The following LIN28B variants were observed in gnomAD, a reference collection of about 807,000 sequenced individuals.
LIN28B encodes the protein lin-28 RNA binding posttranscriptional regulator B.
A neutral mutation model predicts 21.9 loss-of-function variants in LIN28B; 5 were observed. The ratio of observed to expected loss-of-function variants is 0.23; its 90% CI spans 0.12 to 0.48. LIN28B has a LOEUF of 0.48. LIN28B is among the 20% of genes least tolerant of loss of function. LIN28B has a pLI of 0.98. For missense variants in LIN28B, 245 were observed against 310.5 expected, an observed-to-expected ratio of 0.79 and a Z score of 1.58; for synonymous variants, 109 against 111.3, an observed-to-expected ratio of 0.98 and a Z score of 0.13.
intron 3 of LIN28B, among the ~76,000 whole-genome samples, chr6:105,047,980 TTCC>T (rs1771806307): frequency 6.6e-6 from 1 of 152,218 alleles, no homozygotes; most frequent in South Asian, 2.1e-4. Flanking sequence ...ACAATTTGAC[TTCC>T]TCTTTTCCTA....
chr6:104,994,283 C>T (rs761544690), intron 2 of LIN28B, among the ~76,000 whole-genome samples: 5 of 152,220 alleles, frequency 3.3e-5, no homozygotes, highest in Non-Finnish European at 7.3e-5. Context: ...GGATTACAGG[C>T]GTGAGCCACC....
At chr6:104,994,307 A>G (rs776344866) in intron 2 of LIN28B, among the ~76,000 whole-genome samples, 1 of 152,208 alleles carries the variant, frequency 6.6e-6, no homozygotes. Context: ...CCTGACCGAT[A>G]AAAACATTTT....
At chr6:104,994,642 G>T (rs1010152182) in intron 2 of LIN28B, among the ~76,000 whole-genome samples, 5 of 151,458 alleles carry the variant, frequency 3.3e-5, no homozygotes, top group African/African-American at 4.8e-5. Context: ...TTATTAATTT[G>T]AGCCTTGTAA....
chr6:105,026,264 C>CT, intron 2 of LIN28B, 34 bp from the exon 3 acceptor site: 1 of 1,271,766 alleles, frequency 7.9e-7, no homozygotes, highest in South Asian at 1.7e-5. Context: ...TTTAATCTCT[C>CT]TTTTTCTCCC....
intron 3 of LIN28B, among the ~76,000 whole-genome samples, chr6:105,055,098 A>C (rs1195423837): frequency 6.6e-6 from 1 of 152,082 alleles, no homozygotes; most frequent in East Asian, 1.9e-4. Flanking sequence ...AAGTAGCTGA[A>C]TTATGATGCA....
At chr6:105,074,413 T>G (rs1038545683) in intron 3 of LIN28B, among the ~76,000 whole-genome samples, 2 of 152,166 alleles carry the variant, frequency 1.3e-5, no homozygotes, top group Non-Finnish European at 2.9e-5. Context: ...TTAGCCAAGA[T>G]GGTCTCGATC....
rs1479306113 is a variant in LIN28B at position 105,079,329 on chromosome 6, G to T, written c.*546G>T. 6.6e-6 allele frequency: 1 copy of T among 152,656 alleles called. No homozygotes were observed. The highest frequency in any genetic ancestry group is 6.5e-5 in the Admixed American group (1 of 15,292). The allele number at this position is 152,656 out of a possible 1,614,324, so 9.5% of individuals were successfully genotyped here. ...GAGCTGCCAATTATGGGGTACTAAA[G>T]GTTTTTAAGACATCCAGTTCTCCCG... On this transcript the variant is annotated 3_prime_UTR_variant, in exon 4 of 4. Coordinates refer to ENST00000345080, the MANE Select transcript of LIN28B (RefSeq NM_001004317.4).
chr6:105,050,071 T>C (rs1457804530), intron 3 of LIN28B, among the ~76,000 whole-genome samples: 9 of 152,206 alleles, frequency 5.9e-5, no homozygotes, highest in African/African-American at 2.2e-4. Context: ...TTTTGCTCGT[T>C]AGTTGATGCA....
chr6:105,010,542 A>G lies in LIN28B; in HGVS notation c.199-15756A>G, dbSNP rs1398392228. 2.0e-5 allele frequency among the ~76,000 whole-genome samples: 3 copies of G among 152,176 alleles called. No individual in the cohort carries two copies. The East Asian group carries it at 5.8e-4, about 29-fold the overall frequency. ...TGAAAGAATTTCAACAAGGAGCACAATACTATCTAGTTTGTGCAATTATCG... is the reference window on the plus strand; with the variant it reads ...TGAAAGAATTTCAACAAGGAGCACAGTACTATCTAGTTTGTGCAATTATCG... On this transcript the variant is annotated intron_variant, in intron 2 of 3. Transcript: ENST00000345080.
intron 3 of LIN28B, among the ~76,000 whole-genome samples, chr6:105,075,568 A>C (rs751768142): frequency 3.9e-5 from 6 of 152,250 alleles, no homozygotes; most frequent in Non-Finnish European, 7.3e-5. Context: ...GTCTGGCCTA[A>C]TGATAGCACA....
intron 2 of LIN28B, among the ~76,000 whole-genome samples, chr6:104,968,425 A>G (rs1370255940): frequency 1.3e-5 from 2 of 152,204 alleles, no homozygotes; most frequent in African/African-American, 4.8e-5. Flanking sequence ...CAGTGCTTAG[A>G]ATCATTAATT....
chr6:105,029,471 C>A (rs1771372017), intron 3 of LIN28B, among the ~76,000 whole-genome samples: 1 of 151,760 alleles, frequency 6.6e-6, no homozygotes. Context: ...GGCACAGATG[C>A]AGGTGGTAGA....
intron 3 of LIN28B, among the ~76,000 whole-genome samples, chr6:105,041,199 A>G (rs1771625657): frequency 6.6e-6 from 1 of 152,142 alleles, no homozygotes. Flanking sequence ...GGTGTGAGCC[A>G]CCACACCTAG....
chr6:104,942,534 TCTG>T (rs143083610), intron 2 of LIN28B, among the ~76,000 whole-genome samples: 19,207 of 152,126 alleles, frequency 0.13, 1,265 homozygotes, highest in Middle Eastern at 0.14. Context: ...CTTTTTTTCT[TCTG>T]CTGTGAATTT....
In LIN28B at chr6:105,021,076, C is replaced by T. The variant is rs73521927; in HGVS notation, c.199-5222C>T. Among the ~76,000 whole-genome samples the T allele has an allele frequency of 7.2e-3, 1,090 of 152,106 alleles. 15 individuals carry two copies. Among genetic ancestry groups the T allele is most frequent in the African/African-American group, 0.025 (1,043 of 41,492 alleles). On this transcript the variant is annotated intron_variant, in intron 2 of 3. Coordinates refer to ENST00000345080, the MANE Select transcript of LIN28B (RefSeq NM_001004317.4). ...GGCCTATCATTGCACTCTTTACATC[C>T]ATGCGTACAAATTTTTTAGCATCCA...
At chr6:105,043,459 G>C (rs930750761) in intron 3 of LIN28B, among the ~76,000 whole-genome samples, 14 of 150,736 alleles carry the variant, frequency 9.3e-5, no homozygotes, top group Admixed American at 8.6e-4. Context: ...GGATATGTTT[G>C]TTTGTGTATG....
chr6:104,982,250 G>C (rs1484376594), intron 2 of LIN28B, among the ~76,000 whole-genome samples: 1 of 151,316 alleles, frequency 6.6e-6, no homozygotes, highest in Non-Finnish European at 1.5e-5. Flanking sequence ...GGAGGCAGAG[G>C]TTGCGGTGAT....
intron 2 of LIN28B, among the ~76,000 whole-genome samples, chr6:105,004,647 C>G (rs1223770980): frequency 6.6e-6 from 1 of 152,156 alleles, no homozygotes; most frequent in Non-Finnish European, 1.5e-5. Context: ...GTGGCAGAAT[C>G]ACAGTATATA....
chr6:105,060,031 G>A (rs1772096693), intron 3 of LIN28B, among the ~76,000 whole-genome samples: 2 of 151,656 alleles, frequency 1.3e-5, no homozygotes, highest in South Asian at 4.2e-4. Context: ...AGCCTCCCGA[G>A]TAGCTGAGAT....
Sources: allele counts gnomAD v4.1 joint callset (sites outside exome capture counted in the v4.1 genomes callset), GRCh38; gene constraint gnomAD v4.1.1; transcripts MANE v1.5; gene names NCBI Gene and HGNC (gene_info 2026-07-23, HGNC 2026-07-21).